Variants in ARHGEF4 observed in about 807,000 individuals in gnomAD.
The protein encoded by ARHGEF4 is APC-stimulated guanine nucleotide exchange factor 1.
ARHGEF4 carries 119 observed loss-of-function variants against 162.0 expected under a neutral mutation model. That is an observed-to-expected ratio of 0.73 (90% confidence interval 0.63 to 0.86). The LOEUF is 0.86. Among genes scored for constraint, ARHGEF4 ranks in the 40% least tolerant of loss-of-function variants. ARHGEF4 has a pLI of 0.00. For missense variants in ARHGEF4, 2,488 were observed against 2,456.0 expected (o/e 1.01, Z -0.28); for synonymous variants, 1,014 against 979.9 (o/e 1.03, Z -0.65).
At position 130,957,626 on chromosome 2, in the gene ARHGEF4, T is replaced by C. The variant is rs147440565; in HGVS notation, c.3985+10991T>C. Among the ~76,000 whole-genome samples, 338 of 152,338 alleles carry C rather than the reference T, an allele frequency of 2.2e-3. 4 individuals are homozygous for C. The highest frequency in any genetic ancestry group is 7.9e-3 in the African/African-American group (330 of 41,572). ...ATGTTTGTGTTCCTCCAAAAATTCA[T>C]GTGTCGAAATCCTATACCCCGATAT... On this transcript the variant is annotated intron_variant, in intron 4 of 13. Transcript: ENST00000409359.
chr2:130,873,718 T>C (rs892406336), intron 1 of ARHGEF4, among the ~76,000 whole-genome samples: 1 of 152,146 alleles, frequency 6.6e-6, no homozygotes, highest in African/African-American at 2.4e-5. Context: ...AAGCTGCCTT[T>C]CAGAAGCCAG....
intron 4 of ARHGEF4, among the ~76,000 whole-genome samples, chr2:131,005,771 G>A (rs936031293): frequency 3.9e-5 from 6 of 152,160 alleles, no homozygotes; most frequent in South Asian, 2.1e-4. Flanking sequence ...ACAGGGACCC[G>A]TGGTGCTGGG....
intron 1 of ARHGEF4, among the ~76,000 whole-genome samples, chr2:130,846,811 C>T (rs1462333658): frequency 6.6e-6 from 1 of 152,172 alleles, no homozygotes; most frequent in Non-Finnish European, 1.5e-5. Flanking sequence ...TTTGTCTGTG[C>T]TCAGACATGA....
intron 1 of ARHGEF4, among the ~76,000 whole-genome samples, chr2:130,873,971 C>A (rs180986164): frequency 1.1e-3 from 170 of 152,306 alleles, no homozygotes; most frequent in African/African-American, 3.9e-3. Flanking sequence ...GCTGGCTCTC[C>A]AGATTCAGGA....
At chr2:130,846,356 T>C (rs1680964950) in intron 1 of ARHGEF4, among the ~76,000 whole-genome samples, 1 of 152,134 alleles carries the variant, frequency 6.6e-6, no homozygotes, top group South Asian at 2.1e-4. Context: ...GGTGCTGGGA[T>C]CCCAGGAGCC....
chr2:130,887,964 G>T (rs557458299), intron 1 of ARHGEF4, among the ~76,000 whole-genome samples: 1 of 152,224 alleles, frequency 6.6e-6, no homozygotes, highest in East Asian at 1.9e-4. Context: ...CCAGCATCAT[G>T]CTGTGTGCCT....
At chr2:131,035,233 G>A (rs1208643402) in intron 5 of ARHGEF4, 1 of 1,225,102 alleles carries the variant, frequency 8.2e-7, no homozygotes, top group Admixed American at 4.3e-5. Context: ...CATCAACGTC[G>A]TACTGATCTT....
At chr2:130,909,127 C>G (rs570480077) in intron 1 of ARHGEF4, among the ~76,000 whole-genome samples, 208 of 152,206 alleles carry the variant, frequency 1.4e-3, no homozygotes, top group Middle Eastern at 3.4e-3. Flanking sequence ...AACGCATGCC[C>G]CTACCCTGTG....
chr2:130,922,091 C>G (rs1037400791), intron 2 of ARHGEF4, among the ~76,000 whole-genome samples: 1 of 151,430 alleles, frequency 6.6e-6, no homozygotes, highest in Non-Finnish European at 1.5e-5. Flanking sequence ...TTATTCAGGC[C>G]GGGCGCAGTG....
chr2:131,046,325 C>A lies in ARHGEF4; in HGVS notation c.*136C>A. The A allele has an allele frequency of 5.6e-6, 5 of 886,694 alleles. No homozygotes were observed. Among genetic ancestry groups the A allele is most frequent in the Non-Finnish European group, 8.5e-6 (5 of 587,216 alleles). The allele number at this position is 886,694 out of a possible 1,614,324, so 54.9% of individuals were successfully genotyped here. ...TGGGCTGGGGAGTTGCTTGTGCCAC[C>A]AAGACGTGCCAGGTCTGTACTCCTG... On this transcript the variant is annotated 3_prime_UTR_variant, in exon 14 of 14. Transcript: ENST00000409359.
chr2:130,869,172 T>G, intron 1 of ARHGEF4, among the ~76,000 whole-genome samples: 1 of 152,222 alleles, frequency 6.6e-6, no homozygotes, highest in East Asian at 1.9e-4. Flanking sequence ...GCTGTCATAT[T>G]TGAGGCTTAG....
chr2:130,882,492 G>A (rs1208196227), intron 1 of ARHGEF4, among the ~76,000 whole-genome samples: 2 of 152,016 alleles, frequency 1.3e-5, no homozygotes, highest in African/African-American at 4.8e-5. Flanking sequence ...TTTGCATAAA[G>A]GCACTAATCC....
intron 4 of ARHGEF4, among the ~76,000 whole-genome samples, chr2:130,969,568 C>A (rs1321575727): frequency 6.6e-6 from 1 of 151,580 alleles, no homozygotes; most frequent in African/African-American, 2.4e-5. Context: ...CACTGCACTC[C>A]AGCCTGGGTG....
intron 3 of ARHGEF4, among the ~76,000 whole-genome samples, chr2:130,938,574 T>C (rs1327481204): frequency 2.0e-5 from 3 of 152,188 alleles, no homozygotes; most frequent in Non-Finnish European, 2.9e-5. Flanking sequence ...ATTTTTTTAA[T>C]GTTGGTCTTT....
chr2:130,952,976 C>T (rs1267439431), intron 4 of ARHGEF4, among the ~76,000 whole-genome samples: 1 of 152,094 alleles, frequency 6.6e-6, no homozygotes, highest in Non-Finnish European at 1.5e-5. Context: ...AATGGCCATA[C>T]TGCCCAAGAT....
intron 1 of ARHGEF4, among the ~76,000 whole-genome samples, chr2:130,838,221 A>AACCACCTGGGTCTTTGT (rs1398691966): frequency 2.0e-5 from 3 of 152,232 alleles, no homozygotes; most frequent in Non-Finnish European, 1.5e-5. Context: ...ACAATCACAT[A>AACCACCTGGGTCTTTGT]ACCACCTGGG....
chr2:130,837,085 C>G, intron 1 of ARHGEF4, 93 bp downstream of exon 1: 1 of 1,156,086 alleles, frequency 8.6e-7, no homozygotes, highest in Non-Finnish European at 1.1e-6. Context: ...GCGCCCCGGG[C>G]CGTCCCCTGG....
chr2:131,011,880 G>C (rs769128307), intron 4 of ARHGEF4: 2 of 704,198 alleles, frequency 2.8e-6, no homozygotes, highest in South Asian at 3.0e-5. Context: ...GGGGGCGGCG[G>C]AGGGGCAGAG....
In ARHGEF4 at chr2:130,916,852, T is replaced by C; in HGVS notation, c.2906T>C (p.Leu969Pro). ...KDAGSPKKPT[L>P]VSLPLGPEVL... ...GCCGGAAGCCCCAAAAAGCCCACCC[T>C]AGTGAGTCTGCCTCTAGGACCCGAA... The change falls in exon 2 of 14, where the codon CTA becomes CCA. Residue 969 changes from leucine to proline, a missense_variant. Around this residue, in one of 6 missense-constraint regions of ARHGEF4, gnomAD observed 1,642 missense variants for 1,481.5 expected, o/e 1.11. Transcript: ENST00000409359. 1 of 1,550,238 alleles carries C rather than the reference T, an allele frequency of 6.5e-7. No homozygotes were observed. Among genetic ancestry groups the C allele is most frequent in the South Asian group, 1.2e-5 (1 of 84,054 alleles).
Sources: gnomAD v4.1 joint callset for allele counts (sites outside exome capture counted in the v4.1 genomes callset) on GRCh38, gnomAD v4.1.1 for gene constraint, gnomAD v4.1.1 regional missense constraint, MANE v1.5 for transcripts, NCBI Gene and HGNC (gene_info 2026-07-23, HGNC 2026-07-21) for gene names.